Variants in KCNJ12 observed in about 807,000 individuals in gnomAD.
KCNJ12 encodes the protein potassium inwardly rectifying channel subfamily J member 12, also known as ATP-sensitive inward rectifier potassium channel 12.
Under a neutral mutation model 22.3 loss-of-function variants are expected in KCNJ12, and 2 were observed. The observed-to-expected ratio is 0.09, with a 90% CI of 0.04 to 0.28. The LOEUF is 0.28. KCNJ12 is among the 10% of genes least tolerant of loss of function. KCNJ12 has a pLI of 1.00. For missense variants in KCNJ12, 155 were observed against 633.3 expected (o/e 0.24, Z 8.11); for synonymous variants, 117 against 261.4 (o/e 0.45, Z 5.33).
At chr17:21,384,822 G>T (rs1212626239) in intron 1 of KCNJ12, among the ~76,000 whole-genome samples, 2 of 149,828 alleles carry the variant, frequency 1.3e-5, no homozygotes, top group Non-Finnish European at 3.0e-5. Context: ...GCCCAGGCTG[G>T]AGTGCAATGG....
chr17:21,398,091 A>ATGTG (rs58836229), intron 1 of KCNJ12, among the ~76,000 whole-genome samples: 64 of 146,922 alleles, frequency 4.4e-4, no homozygotes, highest in Middle Eastern at 3.6e-3. Flanking sequence ...ACGTGTGTGT[A>ATGTG]TGTGTGTGTG....
At chr17:21,396,025 C>T (rs549833311) in intron 1 of KCNJ12, among the ~76,000 whole-genome samples, 7 of 152,304 alleles carry the variant, frequency 4.6e-5, no homozygotes, top group Middle Eastern at 6.8e-3. Context: ...TCGGGCTTCT[C>T]GGCTGGGCCA....
chr17:21,392,548 C>T (rs1455320208), intron 1 of KCNJ12, among the ~76,000 whole-genome samples: 10 of 152,260 alleles, frequency 6.6e-5, no homozygotes, highest in African/African-American at 2.4e-4. Flanking sequence ...GCAGGAGCCC[C>T]ACCAGGGCTG....
chr17:21,392,048 G>C (rs1555559384), intron 1 of KCNJ12, among the ~76,000 whole-genome samples: 1 of 152,242 alleles, frequency 6.6e-6, no homozygotes. Flanking sequence ...GCTGACTTAT[G>C]CTGAGTGTGG....
rs556758953 is a variant in KCNJ12, at chr17:21,411,401, T to C, written c.-57+2761T>C. Among the ~76,000 whole-genome samples the C allele has an allele frequency of 1.3e-4, 20 of 152,246 alleles. No individual in the cohort carries two copies. In the South Asian group the frequency reaches 4.2e-3, roughly 32 times the overall value. On this transcript the variant is annotated intron_variant, in intron 2 of 2. Coordinates refer to ENST00000583088, the MANE Select transcript of KCNJ12 (RefSeq NM_021012.5). ...CCGGGGGTCTGCCGGGCCCGTGCTCTCTCCCCACTGCCTGCTCTCTCCCTC... is the reference window on the plus strand; with the variant it reads ...CCGGGGGTCTGCCGGGCCCGTGCTCCCTCCCCACTGCCTGCTCTCTCCCTC...
intron 1 of KCNJ12, among the ~76,000 whole-genome samples, chr17:21,377,834 C>T (rs1471985464): frequency 6.6e-6 from 1 of 152,214 alleles, no homozygotes; most frequent in African/African-American, 2.4e-5. Context: ...CCTGCCTCCT[C>T]ACAGCCTGGA....
intron 1 of KCNJ12, among the ~76,000 whole-genome samples, chr17:21,387,502 A>G (rs1233479109): frequency 6.6e-6 from 1 of 151,542 alleles, no homozygotes; most frequent in Non-Finnish European, 1.5e-5. Flanking sequence ...CTTTGGAGAC[A>G]TCGAGCGCTG....
intron 1 of KCNJ12, among the ~76,000 whole-genome samples, chr17:21,403,516 G>T (rs1389699905): frequency 6.6e-6 from 1 of 152,130 alleles, no homozygotes; most frequent in Non-Finnish European, 1.5e-5. Context: ...ACATGTCTGA[G>T]ACTCAAATTA....
intron 2 of KCNJ12, among the ~76,000 whole-genome samples, 151 bp from the exon 3 acceptor site, chr17:21,415,136 G>A (rs779762428): frequency 8.5e-5 from 13 of 152,302 alleles, no homozygotes; most frequent in South Asian, 2.1e-4. Context: ...CTGGGAAGGC[G>A]GAGTGGGGAG....
intron 1 of KCNJ12, among the ~76,000 whole-genome samples, chr17:21,382,361 T>C (rs1044769397): frequency 2.6e-5 from 4 of 152,018 alleles, no homozygotes; most frequent in African/African-American, 9.7e-5. Flanking sequence ...TCAGCATACA[T>C]GTTTGGAGGG....
At chr17:21,409,892 G>A (rs1597578313) in intron 2 of KCNJ12, among the ~76,000 whole-genome samples, 2 of 152,352 alleles carry the variant, frequency 1.3e-5, no homozygotes, top group South Asian at 4.1e-4. Context: ...CCAAATGTTT[G>A]AGGGCCATGG....
intron 1 of KCNJ12, among the ~76,000 whole-genome samples, chr17:21,378,343 A>G (rs1161053817): frequency 6.6e-6 from 1 of 152,138 alleles, no homozygotes; most frequent in African/African-American, 2.4e-5. Context: ...TCCCTTCTGT[A>G]TTCTGAGAAG....
intron 1 of KCNJ12, among the ~76,000 whole-genome samples, chr17:21,398,089 GTA>G (rs1292467040): frequency 4.2e-5 from 6 of 142,520 alleles, no homozygotes; most frequent in South Asian, 4.2e-4. Context: ...GGACGTGTGT[GTA>G]TGTGTGTGTG....
intron 1 of KCNJ12, among the ~76,000 whole-genome samples, chr17:21,392,855 A>G (rs935176496): frequency 2.6e-5 from 4 of 152,216 alleles, no homozygotes; most frequent in African/African-American, 9.6e-5. Context: ...GCCTGCAGGC[A>G]TAGGCCATAT....
chr17:21,412,579 T>C (rs1173401650), intron 2 of KCNJ12, among the ~76,000 whole-genome samples: 1 of 152,290 alleles, frequency 6.6e-6, no homozygotes, highest in Non-Finnish European at 1.5e-5. Context: ...TGCCTCTTTC[T>C]GGAGGGTCCA....
chr17:21,411,842 G>T (rs1906366968), intron 2 of KCNJ12, among the ~76,000 whole-genome samples: 1 of 152,308 alleles, frequency 6.6e-6, no homozygotes, highest in Non-Finnish European at 1.5e-5. Context: ...AAGGCCGCAT[G>T]GTTGTGTAAC....
At chr17:21,399,735 G>A (rs147985604) in intron 1 of KCNJ12, among the ~76,000 whole-genome samples, 5 of 152,314 alleles carry the variant, frequency 3.3e-5, no homozygotes, top group Admixed American at 6.5e-5. Flanking sequence ...GCCAACGTGC[G>A]TGGTCAAATC....
chr17:21,411,096 G>T (rs1906315523), intron 2 of KCNJ12, among the ~76,000 whole-genome samples: 1 of 152,312 alleles, frequency 6.6e-6, no homozygotes, highest in Non-Finnish European at 1.5e-5. Flanking sequence ...GTGCTTTCTT[G>T]GTGTCTGGGA....
intron 1 of KCNJ12, among the ~76,000 whole-genome samples, chr17:21,403,284 T>C (rs1597571321): frequency 6.6e-6 from 1 of 152,308 alleles, no homozygotes; most frequent in Non-Finnish European, 1.5e-5. Flanking sequence ...TTTTTTCTTA[T>C]TGATTCATAA....
Sources: gnomAD v4.1 joint callset for allele counts (sites outside exome capture counted in the v4.1 genomes callset) on GRCh38, gnomAD v4.1.1 for gene constraint, MANE v1.5 for transcripts, NCBI Gene and HGNC (gene_info 2026-07-23, HGNC 2026-07-21) for gene names.